FIBP: variants seen among roughly 807,000 people sequenced by gnomAD.
FIBP encodes the protein acidic fibroblast growth factor intracellular-binding protein.
Under a neutral mutation model 40.5 loss-of-function variants are expected in FIBP, and 29 were observed. The ratio of observed to expected loss-of-function variants is 0.72; its 90% CI spans 0.53 to 0.98. FIBP has a LOEUF of 0.98. FIBP is among the 50% of genes least tolerant of loss of function. The pLI is 0.00. For synonymous variants in FIBP, 215 were observed against 191.1 expected, an observed-to-expected ratio of 1.13 and a Z score of -1.03; for missense variants, 411 against 470.2, an observed-to-expected ratio of 0.87 and a Z score of 1.16.
Position 65,886,375 on chromosome 11 carries a change from GC to G in FIBP, c.458del (p.Gly153AlafsTer42). ...RVFKVVEEMR[G>X]SLVDNIQQHF... Reference sequence around the variant, plus strand: ...GTTGCTGAATATTGTCCACCAGGGAGCCCCGCATTTCCTCTACCACCTTGAA... The same window carrying G: ...GTTGCTGAATATTGTCCACCAGGGAGCCCGCATTTCCTCTACCACCTTGAA... On this transcript the variant is annotated frameshift_variant, in exon 4 of 10. Coordinates refer to ENST00000357519, the MANE Select transcript of FIBP (RefSeq NM_004214.5). LOFTEE classifies it high-confidence loss of function. 5 of 1,613,942 alleles carry G rather than the reference GC, an allele frequency of 3.1e-6. No homozygotes were observed. Among genetic ancestry groups the G allele is most frequent in the Non-Finnish European group, 4.2e-6 (5 of 1,179,982 alleles).
chr11:65,886,438 G>T lies in FIBP; in HGVS notation c.412-16C>A, dbSNP rs373874955. The stretch of plus-strand genomic sequence containing the variant: ...AGTTGTCAAACTGCAGGGCAGTTAG[G>T]GTAGAAGAGAGGACTGGTCAGAGTG... On this transcript the variant is annotated splice_polypyrimidine_tract_variant and intron_variant, in intron 3 of 9. Coordinates refer to ENST00000357519, the MANE Select transcript of FIBP (RefSeq NM_004214.5). The T allele has an allele frequency of 5.1e-6, 8 of 1,563,706 alleles. 1 individual carries two copies. The highest frequency in any genetic ancestry group is 3.4e-4 in the Middle Eastern group (2 of 5,970).
intron 3 of FIBP, 111 bp from the exon 4 acceptor site, chr11:65,886,533 A>G (rs759818545): frequency 2.8e-6 from 2 of 719,854 alleles, no homozygotes; most frequent in African/African-American, 3.5e-5. Context: ...CTATCCAGTC[A>G]GCAGATGCTG....
intron 3 of FIBP, chr11:65,887,232 G>A: frequency 2.8e-6 from 1 of 357,992 alleles, no homozygotes; most frequent in South Asian, 2.2e-5. Flanking sequence ...GATCACTTGA[G>A]GCCAGGAGTT....
At position 65,885,643 on chromosome 11, in the gene FIBP, A is replaced by G; in HGVS notation, c.533T>C (p.Phe178Ser). 1 of 1,614,062 alleles carries G rather than the reference A, an allele frequency of 6.2e-7. No homozygotes were observed. Among genetic ancestry groups the G allele is most frequent in the Non-Finnish European group, 8.5e-7 (1 of 1,179,936 alleles). ...RLARDYAAIV[F>S]FANNRFETGK... ...TGTCTCAAAGCGGTTGTTAGCAAAG[A>G]AGACGATGGCTGCATAGTCCCTGCA... The change falls in exon 5 of 10, where the codon TTC (phenylalanine) becomes TCC (serine). Residue 178 changes from phenylalanine to serine, a missense_variant. Phe to Ser is a radical substitution (Grantham distance 155). Transcript: ENST00000357519.
chr11:65,888,235 GC>G, intron 1 of FIBP, 98 bp downstream of exon 1: 1 of 1,465,116 alleles, frequency 6.8e-7, no homozygotes, highest in Non-Finnish European at 9.2e-7. Context: ...CCAGGCGCTC[GC>G]CCACTTCCCT....
Position 65,885,173 on chromosome 11 carries a change from A to G in FIBP, c.660T>C (p.Asp220=). 1 of 1,421,954 alleles carries G rather than the reference A, an allele frequency of 7.0e-7. No homozygotes were observed. The highest frequency in any genetic ancestry group is 9.7e-7 in the Non-Finnish European group (1 of 1,030,848). The allele number at this position is 1,421,954 out of a possible 1,614,324, so 88.1% of individuals were successfully genotyped here. Residue 220 remains aspartate (D), a synonymous_variant, in exon 6 of 10, where the codon GAT becomes GAC. Coordinates refer to ENST00000357519, the MANE Select transcript of FIBP (RefSeq NM_004214.5). ...WTLGAVDSQM[D]DMDMDLDKEF... is the part of the protein sequence containing the mutation. ...CCTTGTCTAAGTCCATGTCCATGTC[A>G]TCCATCTGTGAGTCTGTGAGGCCAT...
At position 65,884,646 on chromosome 11, in the gene FIBP, C is replaced by G; in HGVS notation, c.830G>C (p.Arg277Pro). 1 of 1,614,080 alleles carries G rather than the reference C, an allele frequency of 6.2e-7. No homozygotes were observed. The highest frequency in any genetic ancestry group is 8.5e-7 in the Non-Finnish European group (1 of 1,180,012). ...CTTGGCGGCCACGTTCACCAGCCCC[C>G]GGGACAGGTTCTGTGGGGCAGGGAT... ...EMEANFKNLS[R>P]GLVNVAAKLT... The change falls in exon 8 of 10, where the codon CGG (arginine) becomes CCG (proline). Residue 277 changes from arginine to proline, a missense_variant. By Grantham distance (103) the Arg-to-Pro change is moderately radical (BLOSUM62 -2). Coordinates refer to ENST00000357519, the MANE Select transcript of FIBP (RefSeq NM_004214.5).
rs1160477181 is a variant in FIBP at position 65,884,122 on chromosome 11, A to G, written c.1005-79T>C. The G allele has an allele frequency of 2.7e-6, 3 of 1,121,074 alleles. No individual in the cohort carries two copies. In the East Asian group the frequency reaches 7.2e-5, roughly 27 times the overall value. The allele number at this position is 1,121,074 out of a possible 1,614,324, so 69.4% of individuals were successfully genotyped here. A position where few individuals can be genotyped will look rare whatever the true frequency, so the allele number is the denominator to read the frequency against. On this transcript the variant is annotated intron_variant, in intron 9 of 9. Coordinates refer to ENST00000357519, the MANE Select transcript of FIBP (RefSeq NM_004214.5). ...AGGCCCTGCCCTGCGTGCTTTCTAC[A>G]CCTTCATTCATTTTGCCCTTAGAAA...
At chr11:65,885,375 T>C in intron 5 of FIBP, 155 bp downstream of exon 5, 1 of 991,580 alleles carries the variant, frequency 1.0e-6, no homozygotes, top group Non-Finnish European at 1.5e-6. Flanking sequence ...AAGGTGTGTG[T>C]GGGGAAAACA....
At chr11:65,884,765 CTCCA>C in intron 7 of FIBP, 109 bp from the exon 8 acceptor site, 1 of 1,325,586 alleles carries the variant, frequency 7.5e-7, no homozygotes, top group African/African-American at 1.4e-5. Context: ...ATCCACCTCC[CTCCA>C]TCAACCAAGT....
rs1385912375 is a variant in FIBP, at chr11:65,888,461, T to G, written c.-43A>C. The G allele has an allele frequency of 4.7e-6, 7 of 1,478,064 alleles. No individual in the cohort carries two copies. Among genetic ancestry groups the G allele is most frequent in the South Asian group, 1.2e-5 (1 of 82,746 alleles). The allele number at this position is 1,478,064 out of a possible 1,614,324, so 91.6% of individuals were successfully genotyped here. A position where few individuals can be genotyped will look rare whatever the true frequency, so the allele number is the denominator to read the frequency against. ...CAGCGCCCCGAGCAGGAGCGAGCACTGCTCGGGACTGGCGCGCCGCCTTCA... is the reference window on the plus strand; with the variant it reads ...CAGCGCCCCGAGCAGGAGCGAGCACGGCTCGGGACTGGCGCGCCGCCTTCA... On this transcript the variant is annotated 5_prime_UTR_variant, in exon 1 of 10. Coordinates refer to ENST00000357519, the MANE Select transcript of FIBP (RefSeq NM_004214.5).
chr11:65,884,498 C>A lies in FIBP; in HGVS notation c.907-9G>T, dbSNP rs1420448095. On this transcript the variant is annotated splice_polypyrimidine_tract_variant and intron_variant, in intron 8 of 9. Transcript: ENST00000357519. ...CGGCAGGGTTCCACAAACTGCGGGC[C>A]CAAGAGAATACTTAGCACTTGTATA... 3.1e-6 allele frequency: 5 copies of A among 1,614,006 alleles called. No homozygotes were observed. Among genetic ancestry groups the A allele is most frequent in the Non-Finnish European group, 4.2e-6 (5 of 1,180,024 alleles).
intron 6 of FIBP, 22 bp downstream of exon 6, chr11:65,885,056 C>T: frequency 1.2e-6 from 2 of 1,613,024 alleles, no homozygotes; most frequent in Non-Finnish European, 1.7e-6. Flanking sequence ...AGGCCCCGCC[C>T]CATGGGCCCC....
chr11:65,884,880 TGGC>T, intron 7 of FIBP, 52 bp downstream of exon 7: 1 of 1,597,334 alleles, frequency 6.3e-7, no homozygotes, highest in Non-Finnish European at 8.6e-7. Flanking sequence ...CCGGTAGGGG[TGGC>T]GAACTGGAGG....
intron 7 of FIBP, 132 bp downstream of exon 7, chr11:65,884,803 C>G: frequency 7.5e-7 from 1 of 1,332,242 alleles, no homozygotes; most frequent in Non-Finnish European, 1.1e-6. Context: ...GAGCTGCTCC[C>G]GTCAGCGGCC....
At chr11:65,888,232 C>T in intron 1 of FIBP, 100 bp from the exon 2 acceptor site, 1 of 1,468,912 alleles carries the variant, frequency 6.8e-7, no homozygotes, top group Non-Finnish European at 9.2e-7. Context: ...TTCCCAGGCG[C>T]TCGCCCACTT....
chr11:65,888,250 G>T, intron 1 of FIBP, 84 bp downstream of exon 1: 1 of 1,481,114 alleles, frequency 6.8e-7, no homozygotes, highest in Non-Finnish European at 9.2e-7. Flanking sequence ...CTTCCCTAAA[G>T]GATGCCCAAG....
In FIBP at chr11:65,886,286, G is replaced by A. The variant is rs751165458; in HGVS notation, c.512+36C>T. On this transcript the variant is annotated intron_variant, in intron 4 of 9. Transcript: ENST00000357519. ...GTGGACGAGCCTCCGGGCCCAGGAA[G>A]TAGTGTGCGGGATGGGGAGGTGGCT... The A allele has an allele frequency of 2.1e-6, 3 of 1,438,668 alleles. No individual in the cohort carries two copies. The South Asian group carries it at 3.4e-5, about 16-fold the overall frequency. The allele number at this position is 1,438,668 out of a possible 1,614,324, so 89.1% of individuals were successfully genotyped here.
intron 3 of FIBP, chr11:65,887,312 A>G (rs693824): frequency 0.22 from 96,001 of 430,664 alleles, 13,184 homozygotes; most frequent in African/African-American, 0.46. Context: ...TGGGTGTGGG[A>G]GCGGGCGCCT....
Sources: gnomAD v4.1 joint callset for allele counts on GRCh38, gnomAD v4.1.1 for gene constraint, MANE v1.5 for transcripts, NCBI Gene and HGNC (gene_info 2026-07-23, HGNC 2026-07-21) for gene names.